SIPA1L2: variants seen among roughly 807,000 people sequenced by gnomAD.
SIPA1L2 encodes the protein signal-induced proliferation-associated 1-like protein 2.
SIPA1L2 carries 56 observed loss-of-function variants against 163.9 expected under a neutral mutation model. That is an observed-to-expected ratio of 0.34 (90% confidence interval 0.28 to 0.43). The LOEUF (loss-of-function observed/expected upper bound fraction) is 0.43. SIPA1L2 is among the 20% of genes least tolerant of loss of function. The pLI is 1.00. For missense variants in SIPA1L2, 1,974 were observed against 2,193.5 expected (o/e 0.90, Z 2.00); for synonymous variants, 877 against 865.7 (o/e 1.01, Z -0.23).
intron 2 of SIPA1L2, chr1:232,561,595 C>G (rs1325915533): frequency 6.6e-6 from 1 of 152,260 alleles, no homozygotes; most frequent in Non-Finnish European, 1.5e-5. Flanking sequence ...AAACAGCCAT[C>G]TGCCTGTGCC....
intron 1 of SIPA1L2, among the ~76,000 whole-genome samples, chr1:232,576,961 G>C (rs1660111206): frequency 6.6e-6 from 1 of 152,154 alleles, no homozygotes; most frequent in African/African-American, 2.4e-5. Flanking sequence ...GGTTTGTGAG[G>C]TACAAGGAGA....
At position 232,501,073 on chromosome 1, in the gene SIPA1L2, T is replaced by TTTTTTC. The variant is rs71173222; in HGVS notation, c.1484-7414_1484-7413insGAAAAA. Among the ~76,000 whole-genome samples, 11 of 136,074 alleles carry TTTTTTC rather than the reference T, an allele frequency of 8.1e-5. 1 individual carries two copies. The highest frequency in any genetic ancestry group is 2.4e-4 in the South Asian group (1 of 4,234). 89.3% of individuals were successfully genotyped at this position (136,074 alleles called of 152,430 possible). On this transcript the variant is annotated intron_variant, in intron 3 of 22. Transcript: ENST00000674635. ...GTATTTTTTTTTTTTTTTTTTTTTTTGTGAGACAGAGTCTCGCTCTGTCGC... is the reference window on the plus strand; with the variant it reads ...GTATTTTTTTTTTTTTTTTTTTTTTTTTTTTCGTGAGACAGAGTCTCGCTCTGTCGC...
intron 19 of SIPA1L2, among the ~76,000 whole-genome samples, chr1:232,411,134 G>C (rs1361387210): frequency 6.6e-6 from 1 of 152,172 alleles, no homozygotes; most frequent in Non-Finnish European, 1.5e-5. Context: ...CCTTTGACAG[G>C]TTTCCTTCTG....
chr1:232,607,269 G>A (rs1195598920), intron 1 of SIPA1L2, among the ~76,000 whole-genome samples: 1 of 151,794 alleles, frequency 6.6e-6, no homozygotes, highest in African/African-American at 2.4e-5. Flanking sequence ...TTAATATACT[G>A]CTTACCAAGA....
At position 232,475,740 on chromosome 1, in the gene SIPA1L2, G is replaced by T. The variant is rs12049047; in HGVS notation, c.2085+3887C>A. The stretch of plus-strand genomic sequence containing the variant: ...TTATGATATTTTACCAATAACAAGA[G>T]CAAATGTACAAACGAATTAAGAAAT... On this transcript the variant is annotated intron_variant, in intron 7 of 22. Transcript: ENST00000674635. 0.036 allele frequency among the ~76,000 whole-genome samples: 5,547 copies of T among 152,138 alleles called. 954 individuals are homozygous for T. The East Asian group carries it at 0.56, about 15-fold the overall frequency.
rs376111547 is a variant in SIPA1L2, at chr1:232,500,882, G to C, written c.1484-7222C>G. On this transcript the variant is annotated intron_variant, in intron 3 of 22. Coordinates refer to ENST00000674635, the MANE Select transcript of SIPA1L2 (RefSeq NM_020808.5). Reference sequence around the variant, plus strand: ...CTTTCCTAAAAAAGATTCAATCAATGTGGCAAACTTCACTGTTGTTTTAAT... The same window carrying C: ...CTTTCCTAAAAAAGATTCAATCAATCTGGCAAACTTCACTGTTGTTTTAAT... Among the ~76,000 whole-genome samples, 11 of 152,102 alleles carry C rather than the reference G, an allele frequency of 7.2e-5. No homozygotes were observed. In the East Asian group the frequency reaches 7.7e-4, roughly 11 times the overall value.
intron 2 of SIPA1L2, among the ~76,000 whole-genome samples, chr1:232,567,159 C>T (rs1225496916): frequency 6.6e-6 from 1 of 152,176 alleles, no homozygotes; most frequent in Non-Finnish European, 1.5e-5. Context: ...ATCACAAAGC[C>T]TCCCTGGGCC....
At chr1:232,470,027 A>C (rs189421807) in intron 8 of SIPA1L2, among the ~76,000 whole-genome samples, 6 of 152,234 alleles carry the variant, frequency 3.9e-5, no homozygotes, top group African/African-American at 1.4e-4. Flanking sequence ...CACCAAATAC[A>C]ATACGATAAA....
At chr1:232,586,708 T>G (rs1660673451) in intron 1 of SIPA1L2, among the ~76,000 whole-genome samples, 1 of 152,212 alleles carries the variant, frequency 6.6e-6, no homozygotes, top group African/African-American at 2.4e-5. Context: ...AAAACACACT[T>G]GTGATTCTTC....
At chr1:232,467,308 G>A (rs975686278) in intron 8 of SIPA1L2, among the ~76,000 whole-genome samples, 1 of 152,210 alleles carries the variant, frequency 6.6e-6, no homozygotes, top group South Asian at 2.1e-4. Context: ...CATACCAGAG[G>A]GTATGTGTGT....
At chr1:232,410,849 T>C (rs1211852624) in intron 19 of SIPA1L2, among the ~76,000 whole-genome samples, 1 of 152,112 alleles carries the variant, frequency 6.6e-6, no homozygotes, top group Non-Finnish European at 1.5e-5. Flanking sequence ...ACATATTAAT[T>C]AGAAAATATA....
intron 17 of SIPA1L2, among the ~76,000 whole-genome samples, chr1:232,426,512 T>C (rs935448836): frequency 3.9e-5 from 6 of 152,050 alleles, no homozygotes; most frequent in African/African-American, 1.4e-4. Flanking sequence ...TACAAAAAAT[T>C]AGCTGGGCAT....
At chr1:232,474,132 G>T (rs983168367) in intron 7 of SIPA1L2, among the ~76,000 whole-genome samples, 1 of 152,138 alleles carries the variant, frequency 6.6e-6, no homozygotes, top group South Asian at 2.1e-4. Context: ...AAAACCTGAC[G>T]GTACTATTTG....
chr1:232,525,483 T>C (rs10797575), intron 2 of SIPA1L2, among the ~76,000 whole-genome samples: 103,573 of 149,968 alleles, frequency 0.69, 37,270 homozygotes, highest in Non-Finnish European at 0.8. Context: ...CTGGAACTTC[T>C]GACCTCAGGC....
chr1:232,592,138 GA>G (rs11314357), intron 1 of SIPA1L2, among the ~76,000 whole-genome samples: 26,510 of 151,982 alleles, frequency 0.17, 2,528 homozygotes, highest in African/African-American at 0.21. Context: ...GAAAAGAGAG[GA>G]AAAAAATATA....
intron 9 of SIPA1L2, 136 bp from the exon 10 acceptor site, chr1:232,461,297 T>C (rs1664223791): frequency 2.7e-6 from 3 of 1,100,828 alleles, no homozygotes; most frequent in Middle Eastern, 5.2e-4. Flanking sequence ...CTCTCTGCCT[T>C]TTCCTCAAAC....
chr1:232,540,468 C>T (rs1258809092), intron 2 of SIPA1L2, among the ~76,000 whole-genome samples: 1 of 152,158 alleles, frequency 6.6e-6, no homozygotes, highest in Non-Finnish European at 1.5e-5. Flanking sequence ...CTCCAACACC[C>T]GTTGCCTCCA....
intron 1 of SIPA1L2, among the ~76,000 whole-genome samples, chr1:232,578,905 T>A (rs950528038): frequency 6.6e-6 from 1 of 152,210 alleles, no homozygotes; most frequent in African/African-American, 2.4e-5. Flanking sequence ...GCTATTGTAT[T>A]TTACCTTGTT....
At chr1:232,435,013 T>G (rs1662470125) in intron 15 of SIPA1L2, among the ~76,000 whole-genome samples, 1 of 152,186 alleles carries the variant, frequency 6.6e-6, no homozygotes, top group Non-Finnish European at 1.5e-5. Flanking sequence ...CTTATGGCCT[T>G]AGTTTCCCCA....
Sources: allele counts gnomAD v4.1 joint callset (sites outside exome capture counted in the v4.1 genomes callset), GRCh38; gene constraint gnomAD v4.1.1; transcripts MANE v1.5; gene names NCBI Gene and HGNC (gene_info 2026-07-23, HGNC 2026-07-21).